METTL22: variants seen among roughly 807,000 people sequenced by gnomAD.
The protein encoded by METTL22 is methyltransferase 22, Kin17 lysine, also known as methyltransferase-like protein 22.
A neutral mutation model predicts 48.4 loss-of-function variants in METTL22; 51 were observed. The observed-to-expected ratio is 1.05, with a 90% CI of 0.84 to 1.33. The LOEUF (loss-of-function observed/expected upper bound fraction) is 1.33, where lower values mean the gene tolerates loss of function less well. Ranked by LOEUF, METTL22 falls within the 40% of genes most tolerant of loss-of-function variation. The probability of loss-of-function intolerance (pLI) is 0.00; values close to 1 mark genes in which losing one functional copy is unlikely to be tolerated. For synonymous variants in METTL22, 255 were observed against 214.1 expected (o/e 1.19, Z -1.67); for missense variants, 678 against 526.9 (o/e 1.29, Z -2.81).
At chr16:8,663,230 G>A in the METTL22 span, among the ~76,000 whole-genome samples, 2 of 119,528 alleles carry the variant, frequency 1.7e-5, no homozygotes, top group Non-Finnish European at 3.6e-5. Context: ...AAAAAAGGTA[G>A]CCAAGCCATC....
downstream of METTL22, among the ~76,000 whole-genome samples, chr16:8,650,775 G>A (rs77557575): frequency 3.9e-5 from 6 of 152,030 alleles, no homozygotes; most frequent in Non-Finnish European, 5.9e-5. Context: ...GTGTAATCCC[G>A]GCACTTTGGG....
downstream of METTL22, among the ~76,000 whole-genome samples, chr16:8,652,437 C>A (rs1186828154): frequency 1.8e-5 from 2 of 110,926 alleles, no homozygotes; most frequent in African/African-American, 7.1e-5. Context: ...CCAGCCTGGG[C>A]AACAGAGGGA....
intron 6 of METTL22, among the ~76,000 whole-genome samples, chr16:8,639,971 C>G (rs2056546752): frequency 6.6e-6 from 1 of 152,108 alleles, no homozygotes; most frequent in Non-Finnish European, 1.5e-5. Context: ...TGCCTGAGTG[C>G]TCTGCCGTCC....
chr16:8,658,755 C>A, the METTL22 span, among the ~76,000 whole-genome samples: 40,017 of 152,064 alleles, frequency 0.26, 6,382 homozygotes, highest in African/African-American at 0.45. Flanking sequence ...CCAGAGTGCA[C>A]GTCAAGGCTC....
At chr16:8,626,190 G>T (rs1261872519) in intron 2 of METTL22, among the ~76,000 whole-genome samples, 1 of 152,004 alleles carries the variant, frequency 6.6e-6, no homozygotes, top group East Asian at 1.9e-4. Flanking sequence ...CTGGAGTCTT[G>T]CTAGCCCAGG....
chr16:8,641,523 G>A, intron 7 of METTL22: 1 of 516,190 alleles, frequency 1.9e-6, no homozygotes, highest in South Asian at 1.5e-5. Flanking sequence ...AGACTCTGGG[G>A]CACAGACCAT....
At chr16:8,650,031 A>G (rs2056871269), downstream of METTL22, among the ~76,000 whole-genome samples, 1 of 152,156 alleles carries the variant, frequency 6.6e-6, no homozygotes, top group Non-Finnish European at 1.5e-5. Flanking sequence ...CCTGGTTAAG[A>G]GCACAAACTC....
At chr16:8,657,820 C>CTTTTTTTTTTTTTTTTTTTTT in the METTL22 span, among the ~76,000 whole-genome samples, 488 of 137,090 alleles carry the variant, frequency 3.6e-3, 30 homozygotes, top group African/African-American at 5.9e-3. Flanking sequence ...CTTTTCTTTT[C>CTTTTTTTTTTTTTTTTTTTTT]TTTCTTTTTT....
Position 8,639,097 on chromosome 16 carries a change from G to A in METTL22, c.707G>A (p.Gly236Asp), listed in dbSNP as rs1179989176. 1.2e-6 allele frequency: 2 copies of A among 1,613,928 alleles called. No individual in the cohort carries two copies. Among genetic ancestry groups the A allele is most frequent in the East Asian group, 2.2e-5 (1 of 44,884 alleles). Reference protein sequence around the residue: ...MARTVYCTDVGADLLSMCQRN... With the variant: ...MARTVYCTDVDADLLSMCQRN... Reference sequence around the variant, plus strand: ...TTGCCCTCTGTCATTCCAGATGTCGGTGCAGATCTCTTGTCCATGTGCCAG... The same window carrying A: ...TTGCCCTCTGTCATTCCAGATGTCGATGCAGATCTCTTGTCCATGTGCCAG... Residue 236 changes from glycine to aspartate, a missense_variant, in exon 6 of 11, where the codon GGT becomes GAT. Coordinates refer to ENST00000381920, the MANE Select transcript of METTL22 (RefSeq NM_024109.4).
chr16:8,658,719 G>A, the METTL22 span, among the ~76,000 whole-genome samples: 2 of 152,158 alleles, frequency 1.3e-5, no homozygotes, highest in East Asian at 3.9e-4. Context: ...GGAGGGCGGG[G>A]ACTTGGCTTT....
chr16:8,641,341 CAGCT>C (rs1268550262), intron 7 of METTL22, 157 bp downstream of exon 7: 2 of 752,452 alleles, frequency 2.7e-6, no homozygotes, highest in Non-Finnish European at 4.8e-6. Flanking sequence ...CGATGAGCAC[CAGCT>C]GTCATTCTCT....
intron 10 of METTL22, chr16:8,645,817 G>GCTA: frequency 1.4e-6 from 1 of 690,374 alleles, no homozygotes; most frequent in Non-Finnish European, 1.9e-6. Context: ...AAAATGGAGA[G>GCTA]ATACGGCAAC....
chr16:8,640,946 G>GGA (rs1332913099), intron 6 of METTL22, among the ~76,000 whole-genome samples, 185 bp from the exon 7 acceptor site: 3,311 of 35,148 alleles, frequency 0.094, 546 homozygotes, highest in East Asian at 0.14. Context: ...GGATGGATGG[G>GGA]TGGGTGGATG....
chr16:8,646,261 C>A lies in METTL22; in HGVS notation c.*118C>A, dbSNP rs901169394. On this transcript the variant is annotated 3_prime_UTR_variant, in exon 11 of 11. Coordinates refer to ENST00000381920, the MANE Select transcript of METTL22 (RefSeq NM_024109.4). The stretch of plus-strand genomic sequence containing the variant: ...TTGTCATTTTAAAAATATGGTTACA[C>A]GTACCTTAGATGACCCAAGATGGTT... The A allele has an allele frequency of 3.8e-6, 5 of 1,301,628 alleles. No homozygotes were observed. The African/African-American group carries it at 4.4e-5, about 11-fold the overall frequency. The allele number at this position is 1,301,628 out of a possible 1,614,324, so 80.6% of individuals were successfully genotyped here.
chr16:8,640,294 C>T (rs1301561375), intron 6 of METTL22, among the ~76,000 whole-genome samples: 1 of 151,966 alleles, frequency 6.6e-6, no homozygotes, highest in African/African-American at 2.4e-5. Flanking sequence ...ATGAGTTCCT[C>T]TCTCTCCTCC....
chr16:8,628,292 T>G (rs1567228196), intron 2 of METTL22, among the ~76,000 whole-genome samples: 1 of 152,200 alleles, frequency 6.6e-6, no homozygotes, highest in Non-Finnish European at 1.5e-5. Flanking sequence ...CGGTGATGAA[T>G]GAATGGATGA....
chr16:8,641,406 T>A (rs747081839), intron 7 of METTL22: 72 of 644,192 alleles, frequency 1.1e-4, no homozygotes, highest in Non-Finnish European at 1.6e-4. Context: ...TCTCCAGGTG[T>A]TGTGGTTTCC....
intron 1 of METTL22, among the ~76,000 whole-genome samples, chr16:8,624,363 C>CT (rs71152910): frequency 6.4e-5 from 9 of 139,638 alleles, no homozygotes; most frequent in East Asian, 4.1e-4. Context: ...TCCACTCACT[C>CT]TTTTTTTTTT....
the METTL22 span, among the ~76,000 whole-genome samples, chr16:8,655,066 C>G: frequency 6.6e-6 from 1 of 152,216 alleles, no homozygotes; most frequent in Non-Finnish European, 1.5e-5. Flanking sequence ...AAGCCAAGCC[C>G]TGTGTGGGGC....
Sources: allele counts gnomAD v4.1 joint callset (sites outside exome capture counted in the v4.1 genomes callset), GRCh38; gene constraint gnomAD v4.1.1; transcripts MANE v1.5; gene names NCBI Gene and HGNC (gene_info 2026-07-23, HGNC 2026-07-21).